Variants in XRN1 observed in about 807,000 individuals in gnomAD.
XRN1 encodes the protein strand-exchange protein 1 homolog.
XRN1 carries 67 observed loss-of-function variants against 222.3 expected under a neutral mutation model. That is an observed-to-expected ratio of 0.30 (90% confidence interval 0.25 to 0.37). XRN1 has a LOEUF of 0.37. Among genes scored for constraint, XRN1 ranks in the 10% least tolerant of loss-of-function variants. The pLI, the probability that XRN1 is intolerant of heterozygous loss-of-function variation, is 1.00. For synonymous variants in XRN1, 643 were observed against 652.4 expected, an observed-to-expected ratio of 0.99 and a Z score of 0.22; for missense variants, 1,707 against 2,000.2, an observed-to-expected ratio of 0.85 and a Z score of 2.80.
chr3:142,316,386 T>C (rs1577205465), intron 39 of XRN1, among the ~76,000 whole-genome samples: 1 of 152,176 alleles, frequency 6.6e-6, no homozygotes, highest in African/African-American at 2.4e-5. Flanking sequence ...CTGGCTACCT[T>C]TGTATTTTTT....
chr3:142,425,497 A>C lies in XRN1; in HGVS notation c.448T>G (p.Phe150Val). ...TCTGTGGAAATTTTCATATTTACAA[A>C]ATACTTCAGATGTTCATGTAACCTG... ...MARLHEHLKY[F>V]VNMKISTDKS... The change falls in exon 4 of 41, where the codon TTT becomes GTT. Residue 150 changes from phenylalanine to valine, a missense_variant. Physicochemically the swap from Phe to Val is conservative, Grantham distance 50. Around this residue, in one of 2 missense-constraint regions of XRN1, gnomAD observed 1,234 missense variants for 1,518.2 expected, o/e 0.81. Transcript: ENST00000392981. 6.2e-7 allele frequency: 1 copy of C among 1,613,520 alleles called. No individual in the cohort carries two copies. Among genetic ancestry groups the C allele is most frequent in the Non-Finnish European group, 8.5e-7 (1 of 1,179,680 alleles).
chr3:142,425,047 G>C (rs906150810), intron 5 of XRN1, among the ~76,000 whole-genome samples, 175 bp downstream of exon 5: 6 of 152,168 alleles, frequency 3.9e-5, no homozygotes, highest in African/African-American at 1.4e-4. Flanking sequence ...AATAAACTAT[G>C]GTTAAAAAGC....
At chr3:142,432,926 T>C in intron 1 of XRN1, 33 bp from the exon 2 acceptor site, 1 of 1,510,322 alleles carries the variant, frequency 6.6e-7, no homozygotes, top group East Asian at 2.3e-5. Flanking sequence ...TGAGATCATT[T>C]ATTTTAATCA....
intron 29 of XRN1, among the ~76,000 whole-genome samples, chr3:142,361,801 A>G (rs2066638933): frequency 6.6e-6 from 1 of 151,710 alleles, no homozygotes; most frequent in Non-Finnish European, 1.5e-5. Flanking sequence ...TTGTAAAAAA[A>G]CTTTTATATA....
chr3:142,431,867 ATAT>A (rs1408080029), intron 2 of XRN1, among the ~76,000 whole-genome samples: 2,247 of 34,818 alleles, frequency 0.065, 270 homozygotes, highest in African/African-American at 0.33. Context: ...TATATATAAT[ATAT>A]TATATTATAT....
At position 142,425,234 on chromosome 3, in the gene XRN1, TAAACCATAA is replaced by T; in HGVS notation, c.606_614del (p.Tyr203_Leu205del). The T allele has an allele frequency of 6.3e-7, 1 of 1,577,978 alleles. No individual in the cohort carries two copies. Among genetic ancestry groups the T allele is most frequent in the Non-Finnish European group, 8.6e-7 (1 of 1,164,634 alleles). On this transcript the variant is annotated inframe_deletion, in exon 5 of 41. Transcript: ENST00000392981. ...AAATTATACCTACCAAGTCAGCATC[TAAACCATAA>T]AGACAGTGTCTGGTGTTTGGATCAT...
chr3:142,331,191 C>G (rs1311165955), intron 36 of XRN1, among the ~76,000 whole-genome samples: 1 of 152,196 alleles, frequency 6.6e-6, no homozygotes, highest in East Asian at 1.9e-4. Context: ...TGAGAAACTT[C>G]TGCCCACATC....
intron 21 of XRN1, among the ~76,000 whole-genome samples, chr3:142,383,690 G>C (rs1446301262): frequency 1.3e-5 from 2 of 152,174 alleles, no homozygotes; most frequent in African/African-American, 4.8e-5. Context: ...GGCACAGAAA[G>C]GGGATGAATC....
intron 29 of XRN1, among the ~76,000 whole-genome samples, chr3:142,363,444 A>C (rs115371773): frequency 6.6e-6 from 1 of 152,206 alleles, no homozygotes; most frequent in Non-Finnish European, 1.5e-5. Context: ...ATTGTTGTAA[A>C]ATCAATTGAC....
At chr3:142,385,180 T>C (rs1290089501) in intron 20 of XRN1, among the ~76,000 whole-genome samples, 3 of 152,150 alleles carry the variant, frequency 2.0e-5, no homozygotes, top group East Asian at 1.9e-4. Flanking sequence ...CAAATGATCA[T>C]AGCACCACTA....
At chr3:142,380,708 T>C (rs1464163594) in intron 22 of XRN1, among the ~76,000 whole-genome samples, 2 of 151,952 alleles carry the variant, frequency 1.3e-5, no homozygotes, top group African/African-American at 4.8e-5. Context: ...GGCTGGAGTG[T>C]AGTGGCACTA....
intron 25 of XRN1, among the ~76,000 whole-genome samples, chr3:142,372,584 C>T (rs1175725182): frequency 1.3e-5 from 2 of 152,136 alleles, no homozygotes; most frequent in African/African-American, 2.4e-5. Flanking sequence ...CATTGATTTG[C>T]GGCTGTTGTG....
At chr3:142,318,042 C>T (rs563701320) in intron 39 of XRN1, among the ~76,000 whole-genome samples, 1 of 152,168 alleles carries the variant, frequency 6.6e-6, no homozygotes, top group South Asian at 2.1e-4. Flanking sequence ...CTTTCTAATG[C>T]TTATTGTAAG....
rs144289086 is a variant in XRN1, at chr3:142,392,038, C to T, written c.2339+5291G>A. On this transcript the variant is annotated intron_variant, in intron 20 of 40. Coordinates refer to ENST00000392981, the MANE Select transcript of XRN1 (RefSeq NM_001282857.2). Reference sequence around the variant, plus strand: ...CTTCTTCCATTCCTAAACCTTTTCACTCCATTTTATCCTCAACTTCTACCT... The same window carrying T: ...CTTCTTCCATTCCTAAACCTTTTCATTCCATTTTATCCTCAACTTCTACCT... 3.8e-4 allele frequency among the ~76,000 whole-genome samples: 58 copies of T among 152,120 alleles called. 1 individual carries two copies. Among genetic ancestry groups the T allele is most frequent in the African/African-American group, 1.2e-3 (49 of 41,506 alleles).
intron 1 of XRN1, among the ~76,000 whole-genome samples, chr3:142,440,601 C>A (rs1031690220): frequency 6.6e-6 from 1 of 152,052 alleles, no homozygotes; most frequent in Admixed American, 6.6e-5. Flanking sequence ...CCTAGTAAAA[C>A]CATGCAATAG....
chr3:142,409,193 G>T lies in XRN1; in HGVS notation c.1713+3351C>A, dbSNP rs114131765. On this transcript the variant is annotated intron_variant, in intron 15 of 40. Transcript: ENST00000392981. The stretch of plus-strand genomic sequence containing the variant: ...TCTTTTGATAAATGGAAATTTTTTT[G>T]ATTTTGGTGAAATCTATTTTCTCAA... 6.6e-4 allele frequency among the ~76,000 whole-genome samples: 100 copies of T among 151,758 alleles called. 2 individuals carry two copies. The highest frequency in any genetic ancestry group is 2.3e-3 in the African/African-American group (95 of 41,380).
Position 142,412,568 on chromosome 3 carries a change from C to T in XRN1, c.1689G>A (p.Val563=). ...LNGKQQEWEA[V]VLIPFIDEKR... is the part of the protein sequence containing the mutation. Reference sequence around the variant, plus strand: ...CCTCATCAATAAAAGGGATTAACACCACAGCTTCCCATTCCTGTTGTTTCC... The same window carrying T: ...CCTCATCAATAAAAGGGATTAACACTACAGCTTCCCATTCCTGTTGTTTCC... Residue 563 remains valine, a synonymous_variant, in exon 15 of 41, where the codon GTG becomes GTA. Coordinates refer to ENST00000392981, the MANE Select transcript of XRN1 (RefSeq NM_001282857.2). 6.2e-7 allele frequency: 1 copy of T among 1,606,778 alleles called. No homozygotes were observed. Among genetic ancestry groups the T allele is most frequent in the East Asian group, 2.2e-5 (1 of 44,698 alleles).
At chr3:142,423,690 A>G in intron 5 of XRN1, 48 bp from the exon 6 acceptor site, 1 of 1,429,894 alleles carries the variant, frequency 7.0e-7, no homozygotes, top group Non-Finnish European at 9.4e-7. Flanking sequence ...ATTTTTAATA[A>G]TATTAGGTTC....
chr3:142,376,016 C>G (rs768885794), intron 24 of XRN1, 72 bp from the exon 25 acceptor site: 31 of 1,442,596 alleles, frequency 2.1e-5, no homozygotes, highest in Non-Finnish European at 2.8e-5. Flanking sequence ...TTTAAAATGT[C>G]GTTCAAGGAA....
Sources: allele counts gnomAD v4.1 joint callset (sites outside exome capture counted in the v4.1 genomes callset), GRCh38; gene constraint gnomAD v4.1.1; regional missense constraint gnomAD v4.1.1; transcripts MANE v1.5; gene names NCBI Gene and HGNC (gene_info 2026-07-23, HGNC 2026-07-21).